DYNC2I1: variants seen among roughly 807,000 people sequenced by gnomAD.
DYNC2I1 encodes the protein cytoplasmic dynein 2 intermediate chain 1.
DYNC2I1 carries 89 observed loss-of-function variants against 133.4 expected under a neutral mutation model. The observed-to-expected ratio is 0.67, with a 90% CI of 0.56 to 0.80. The LOEUF (loss-of-function observed/expected upper bound fraction) is 0.80, where lower values mean the gene tolerates loss of function less well. Among genes scored for constraint, DYNC2I1 ranks in the 30% least tolerant of loss-of-function variants. The pLI is 0.00. For missense variants in DYNC2I1, 1,291 were observed against 1,314.5 expected, an observed-to-expected ratio of 0.98 and a Z score of 0.28; for synonymous variants, 504 against 484.3, an observed-to-expected ratio of 1.04 and a Z score of -0.54.
At chr7:158,938,960 C>T (rs1470006447) in intron 23 of DYNC2I1, among the ~76,000 whole-genome samples, 1 of 152,020 alleles carries the variant, frequency 6.6e-6, no homozygotes, top group African/African-American at 2.4e-5. Flanking sequence ...CTATTAAAAA[C>T]AATAATAGCT....
chr7:158,880,686 CAA>C (rs1003205503), intron 5 of DYNC2I1, among the ~76,000 whole-genome samples: 6 of 152,166 alleles, frequency 3.9e-5, no homozygotes, highest in African/African-American at 1.2e-4. Context: ...AAAAGCAAAA[CAA>C]GACAGAACAA....
chr7:158,869,689 A>T (rs1299507208), intron 1 of DYNC2I1, among the ~76,000 whole-genome samples, 166 bp from the exon 2 acceptor site: 1 of 152,236 alleles, frequency 6.6e-6, no homozygotes, highest in African/African-American at 2.4e-5. Context: ...AATAATTTTT[A>T]AAAATCTGTA....
At chr7:158,929,929 C>T (rs547234027) in intron 20 of DYNC2I1, among the ~76,000 whole-genome samples, 1 of 152,126 alleles carries the variant, frequency 6.6e-6, no homozygotes, top group East Asian at 1.9e-4. Flanking sequence ...GAGAAGGAAG[C>T]TGGAGAAGCT....
At chr7:158,956,792 CAGAT>C (rs1389583737), downstream of DYNC2I1, 7 of 152,338 alleles carry the variant, frequency 4.6e-5, no homozygotes, top group Admixed American at 1.3e-4. Flanking sequence ...AAAGGCAACA[CAGAT>C]AGGAAGTTTT....
chr7:158,846,063 T>C, the DYNC2I1 span, among the ~76,000 whole-genome samples: 1 of 152,122 alleles, frequency 6.6e-6, no homozygotes, highest in South Asian at 2.1e-4. Flanking sequence ...AGTTCGAGAC[T>C]AGCCTGGGCA....
At chr7:158,891,795 T>G (rs1370579580) in intron 8 of DYNC2I1, among the ~76,000 whole-genome samples, 1 of 152,214 alleles carries the variant, frequency 6.6e-6, no homozygotes, top group Admixed American at 6.5e-5. Flanking sequence ...AAGTTATAAA[T>G]AATTTTCAGA....
At chr7:158,861,258 A>G (rs1436984351) in intron 1 of DYNC2I1, among the ~76,000 whole-genome samples, 1 of 152,256 alleles carries the variant, frequency 6.6e-6, no homozygotes, top group African/African-American at 2.4e-5. Context: ...CAGAAAGGAC[A>G]GGATGGCCTC....
At chr7:158,871,675 C>A in intron 3 of DYNC2I1, 113 bp downstream of exon 3, 1 of 1,252,852 alleles carries the variant, frequency 8.0e-7, no homozygotes, top group Non-Finnish European at 1.1e-6. Flanking sequence ...CCTCCTTCCC[C>A]TTTCCTTTTT....
At chr7:158,855,766 T>C (rs151335081), upstream of DYNC2I1, among the ~76,000 whole-genome samples, 622 of 152,312 alleles carry the variant, frequency 4.1e-3, 10 homozygotes, top group African/African-American at 0.014. Flanking sequence ...ACTTTCCCTT[T>C]GGCTGAAGGA....
At chr7:158,934,318 T>C in intron 22 of DYNC2I1, 90 bp downstream of exon 22, 2 of 1,428,208 alleles carry the variant, frequency 1.4e-6, no homozygotes, top group South Asian at 1.3e-5. Flanking sequence ...ATTAACTTAC[T>C]CTTTTCTTTA....
At chr7:158,958,370 C>A (rs1359381446), downstream of DYNC2I1, among the ~76,000 whole-genome samples, 1 of 152,250 alleles carries the variant, frequency 6.6e-6, no homozygotes, top group Admixed American at 6.5e-5. Context: ...GAAGCGTGCG[C>A]GTTCTCTCTT....
intron 8 of DYNC2I1, among the ~76,000 whole-genome samples, chr7:158,897,352 G>A (rs1845851608): frequency 6.6e-6 from 1 of 152,130 alleles, no homozygotes; most frequent in Non-Finnish European, 1.5e-5. Context: ...CAGTATTAGT[G>A]CTTTCTAGCA....
At chr7:158,942,522 T>C (rs1439669183) in intron 24 of DYNC2I1, among the ~76,000 whole-genome samples, 1 of 152,180 alleles carries the variant, frequency 6.6e-6, no homozygotes, top group African/African-American at 2.4e-5. Context: ...TGTGATTATT[T>C]TATATTTAGC....
At chr7:158,844,021 T>G in the DYNC2I1 span, among the ~76,000 whole-genome samples, 1 of 152,130 alleles carries the variant, frequency 6.6e-6, no homozygotes, top group Non-Finnish European at 1.5e-5. Context: ...TGCAGGAAAG[T>G]CAATCATGCA....
intron 5 of DYNC2I1, among the ~76,000 whole-genome samples, chr7:158,882,155 T>C (rs914081064): frequency 1.3e-5 from 2 of 152,228 alleles, no homozygotes; most frequent in African/African-American, 4.8e-5. Flanking sequence ...AAGCTGTTCC[T>C]ATCTGAGTGG....
chr7:158,906,897 G>T (rs551883846), intron 11 of DYNC2I1, among the ~76,000 whole-genome samples: 1 of 152,204 alleles, frequency 6.6e-6, no homozygotes, highest in Admixed American at 6.5e-5. Context: ...GGGCATGGTG[G>T]TATATGCCTA....
At chr7:158,943,053 A>C (rs1191454401) in intron 24 of DYNC2I1, among the ~76,000 whole-genome samples, 10 of 152,132 alleles carry the variant, frequency 6.6e-5, no homozygotes. Flanking sequence ...GTGAGGGTTC[A>C]TGTTGACCTG....
chr7:158,883,099 G>C (rs1217204082), intron 5 of DYNC2I1, among the ~76,000 whole-genome samples: 1 of 152,026 alleles, frequency 6.6e-6, no homozygotes, highest in African/African-American at 2.4e-5. Flanking sequence ...TTACCGTAAA[G>C]TGCAAGGTGC....
intron 1 of DYNC2I1, among the ~76,000 whole-genome samples, chr7:158,867,391 C>T (rs900058886): frequency 3.3e-5 from 5 of 152,178 alleles, no homozygotes; most frequent in African/African-American, 1.2e-4. Flanking sequence ...CTGCTGAGGC[C>T]TCAGTGCAGC....
Sources: allele counts gnomAD v4.1 joint callset (sites outside exome capture counted in the v4.1 genomes callset), GRCh38; gene constraint gnomAD v4.1.1; transcripts MANE v1.5; gene names NCBI Gene and HGNC (gene_info 2026-07-23, HGNC 2026-07-21).